Variants in CSMD2 observed in about 807,000 individuals in gnomAD.
CSMD2 encodes the protein CUB and sushi domain-containing protein 2.
Under a neutral mutation model 398.5 loss-of-function variants are expected in CSMD2, and 130 were observed. That is an observed-to-expected ratio of 0.33 (90% confidence interval 0.28 to 0.38). The LOEUF is 0.38. Ranked by LOEUF, CSMD2 falls within the 10% of genes least tolerant of loss-of-function variation. CSMD2 has a pLI of 1.00. For synonymous variants in CSMD2, 1,828 were observed against 1,908.5 expected (o/e 0.96, Z 1.10); for missense variants, 3,829 against 4,764.9 (o/e 0.80, Z 5.78).
intron 22 of CSMD2, among the ~76,000 whole-genome samples, chr1:33,701,196 G>A (rs1354682714): frequency 6.6e-6 from 1 of 152,134 alleles, no homozygotes; most frequent in East Asian, 1.9e-4. Flanking sequence ...TCATCCCTGG[G>A]ATCCAGACAC....
intron 25 of CSMD2, among the ~76,000 whole-genome samples, chr1:33,669,060 C>T (rs1438560509): frequency 6.6e-6 from 1 of 152,172 alleles, no homozygotes. Context: ...CCTCATAAAG[C>T]CCTGCAGTTG....
chr1:33,943,288 C>T (rs372098357), intron 3 of CSMD2, among the ~76,000 whole-genome samples: 12 of 152,190 alleles, frequency 7.9e-5, no homozygotes, highest in East Asian at 3.8e-4. Flanking sequence ...CTGTTGCTGA[C>T]GTTTTTTCTG....
intron 25 of CSMD2, among the ~76,000 whole-genome samples, chr1:33,677,364 T>C (rs1644753131): frequency 6.6e-6 from 1 of 152,200 alleles, no homozygotes; most frequent in African/African-American, 2.4e-5. Flanking sequence ...GAAAAAATGC[T>C]CATCATCACT....
intron 3 of CSMD2, among the ~76,000 whole-genome samples, chr1:33,985,258 C>A (rs1016228161): frequency 6.6e-6 from 1 of 152,216 alleles, no homozygotes; most frequent in East Asian, 1.9e-4. Flanking sequence ...CCACCCCTCC[C>A]TGGGAAGTAG....
At chr1:33,652,658 G>A (rs1244969434) in intron 27 of CSMD2, among the ~76,000 whole-genome samples, 197 bp from the exon 28 acceptor site, 2 of 152,180 alleles carry the variant, frequency 1.3e-5, no homozygotes, top group Admixed American at 1.3e-4. Flanking sequence ...TAGTGGTGGT[G>A]GTTGCGCAAC....
chr1:33,811,672 C>T (rs138301771), intron 9 of CSMD2, among the ~76,000 whole-genome samples: 8 of 152,330 alleles, frequency 5.3e-5, no homozygotes, highest in African/African-American at 1.4e-4. Flanking sequence ...TAATTAAGCT[C>T]TTTAAAATAG....
At position 33,646,679 on chromosome 1, in the gene CSMD2, C is replaced by T. The variant is rs762015922; in HGVS notation, c.4743G>A (p.Val1581=). 5.0e-6 allele frequency: 8 copies of T among 1,613,974 alleles called. No homozygotes were observed. The highest frequency in any genetic ancestry group is 6.8e-6 in the Non-Finnish European group (8 of 1,180,040). Residue 1581 remains valine, a synonymous_variant, in exon 29 of 71, where the codon GTG becomes GTA. Coordinates refer to ENST00000373381, the MANE Select transcript of CSMD2 (RefSeq NM_001281956.2). ...LFLAFRSDAS[V]SNAGFVIDYT... is the part of the protein sequence containing the mutation. ...AGTCAATGACGAAGCCAGCATTGCT[C>T]ACAGATGCATCGCTGCGGAAGGCGA...
chr1:33,526,684 C>T (rs534785389), intron 65 of CSMD2, among the ~76,000 whole-genome samples: 23 of 152,326 alleles, frequency 1.5e-4, no homozygotes, highest in African/African-American at 3.4e-4. Flanking sequence ...AATCTAGCCT[C>T]GTTTCCTGCA....
chr1:33,954,438 T>C (rs115017786), intron 3 of CSMD2, among the ~76,000 whole-genome samples: 1,912 of 151,884 alleles, frequency 0.013, 19 homozygotes, highest in Non-Finnish European at 0.017. Flanking sequence ...ACTCCGGCCA[T>C]CCAAATACCC....
At chr1:33,782,593 A>C (rs1652921975) in intron 12 of CSMD2, among the ~76,000 whole-genome samples, 1 of 152,210 alleles carries the variant, frequency 6.6e-6, no homozygotes, top group Admixed American at 6.5e-5. Context: ...GGCTGTTGGC[A>C]TCTGTGCACT....
chr1:33,652,522 T>A, intron 27 of CSMD2, 61 bp from the exon 28 acceptor site: 1 of 1,589,988 alleles, frequency 6.3e-7, no homozygotes, highest in Non-Finnish European at 8.6e-7. Context: ...TTTTCATGGG[T>A]GTTGCTAATG....
intron 4 of CSMD2, among the ~76,000 whole-genome samples, chr1:33,923,728 T>G: frequency 6.6e-6 from 1 of 152,154 alleles, no homozygotes; most frequent in Admixed American, 6.5e-5. Context: ...CATTAGAATT[T>G]ATTCGTCCTT....
intron 1 of CSMD2, among the ~76,000 whole-genome samples, chr1:34,144,958 G>A (rs957662918): frequency 6.6e-6 from 1 of 152,216 alleles, no homozygotes; most frequent in Non-Finnish European, 1.5e-5. Flanking sequence ...AATCAGTGAG[G>A]TCACACTGCC....
At chr1:34,106,757 T>C (rs1379078841) in intron 1 of CSMD2, among the ~76,000 whole-genome samples, 1 of 152,204 alleles carries the variant, frequency 6.6e-6, no homozygotes, top group Non-Finnish European at 1.5e-5. Context: ...AAACAATGCA[T>C]GGCAGGTGGG....
At chr1:34,156,608 G>A (rs1640828529) in intron 1 of CSMD2, among the ~76,000 whole-genome samples, 1 of 152,084 alleles carries the variant, frequency 6.6e-6, no homozygotes, top group Non-Finnish European at 1.5e-5. Flanking sequence ...TGAGGTTTAT[G>A]GATTATAATT....
At chr1:33,627,873 C>A (rs980911494) in intron 32 of CSMD2, among the ~76,000 whole-genome samples, 1 of 152,222 alleles carries the variant, frequency 6.6e-6, no homozygotes, top group African/African-American at 2.4e-5. Context: ...TGGATAACGA[C>A]CCTAGTGAGC....
intron 59 of CSMD2, 112 bp from the exon 60 acceptor site, chr1:33,540,810 C>T: frequency 8.3e-7 from 1 of 1,207,980 alleles, no homozygotes. Context: ...CTGGGCTAAA[C>T]AGGAAGAACC....
At chr1:33,742,577 G>GCCCGC (rs1356626015) in intron 14 of CSMD2, among the ~76,000 whole-genome samples, 27 of 94,958 alleles carry the variant, frequency 2.8e-4, no homozygotes, top group African/African-American at 6.7e-4. Context: ...CCAAGCTTCT[G>GCCCGC]CCCCCCCCCC....
At chr1:33,675,445 T>G (rs1430988985) in intron 25 of CSMD2, among the ~76,000 whole-genome samples, 3 of 152,040 alleles carry the variant, frequency 2.0e-5, no homozygotes, top group African/African-American at 4.8e-5. Context: ...AATAACAGGC[T>G]CTGAAATTGA....
Sources: gnomAD v4.1 joint callset for allele counts (sites outside exome capture counted in the v4.1 genomes callset) on GRCh38, gnomAD v4.1.1 for gene constraint, MANE v1.5 for transcripts, NCBI Gene and HGNC (gene_info 2026-07-23, HGNC 2026-07-21) for gene names.